Variants in RETREG1 observed in about 807,000 individuals in gnomAD.
The protein encoded by RETREG1 is family with sequence similarity 134 member B.
A neutral mutation model predicts 54.8 loss-of-function variants in RETREG1; 44 were observed. The ratio of observed to expected loss-of-function variants is 0.80; its 90% CI spans 0.63 to 1.03. The LOEUF (loss-of-function observed/expected upper bound fraction) is 1.03. Among genes scored for constraint, RETREG1 ranks in the 50% least tolerant of loss-of-function variants. The pLI, the probability that RETREG1 is intolerant of heterozygous loss-of-function variation, is 0.00. For synonymous variants in RETREG1, 217 were observed against 238.5 expected (o/e 0.91, Z 0.83); for missense variants, 554 against 605.1 (o/e 0.92, Z 0.89).
intron 3 of RETREG1, among the ~76,000 whole-genome samples, chr5:16,552,290 T>A (rs994429): frequency 0.34 from 51,484 of 152,026 alleles, 10,195 homozygotes; most frequent in Non-Finnish European, 0.44. Context: ...ACCCCCTCTT[T>A]CCACACAATC....
Position 16,611,397 on chromosome 5 carries a change from TA to T in RETREG1, c.320+5254del, listed in dbSNP as rs558919823. On this transcript the variant is annotated intron_variant, in intron 1 of 8. Transcript: ENST00000306320. ...GTGCACACGTACCCTAGAACTTGAA[TA>T]AAAAAAAAAATCACATCAGAGACGC... Among the ~76,000 whole-genome samples the T allele has an allele frequency of 1.8e-3, 267 of 146,668 alleles. 1 individual carries two copies. Among genetic ancestry groups the T allele is most frequent in the Non-Finnish European group, 1.6e-3 (108 of 66,170 alleles).
chr5:16,503,683 G>A (rs867644961), intron 3 of RETREG1, among the ~76,000 whole-genome samples: 42 of 140,816 alleles, frequency 3.0e-4, no homozygotes, highest in East Asian at 8.0e-4. Flanking sequence ...AAAAAAGAAA[G>A]AAAGAAAGAA....
At chr5:16,525,650 AGGGGATCAATTTAAGCAAAACTG>A (rs1408692593) in intron 3 of RETREG1, among the ~76,000 whole-genome samples, 3 of 152,154 alleles carry the variant, frequency 2.0e-5, no homozygotes, top group Admixed American at 6.5e-5. Context: ...AAGCAAAACT[AGGGGATCAATTTAAGCAAAACTG>A]GGGGATAGAG....
intron 3 of RETREG1, among the ~76,000 whole-genome samples, chr5:16,549,408 G>A (rs1217729955): frequency 6.6e-6 from 1 of 152,060 alleles, no homozygotes; most frequent in African/African-American, 2.4e-5. Flanking sequence ...AATCACCTAT[G>A]TATTTATTGA....
intron 1 of RETREG1, among the ~76,000 whole-genome samples, chr5:16,588,065 G>A (rs919134078): frequency 6.6e-6 from 1 of 152,178 alleles, no homozygotes; most frequent in Non-Finnish European, 1.5e-5. Flanking sequence ...AGGCCAGAGC[G>A]ATCACTTCCA....
At chr5:16,541,602 C>T (rs1741245167) in intron 3 of RETREG1, among the ~76,000 whole-genome samples, 2 of 151,896 alleles carry the variant, frequency 1.3e-5, no homozygotes, top group African/African-American at 4.8e-5. Flanking sequence ...CAGGAGAATC[C>T]CTTGAACCCA....
At chr5:16,601,711 A>G (rs936532256) in intron 1 of RETREG1, among the ~76,000 whole-genome samples, 2 of 152,188 alleles carry the variant, frequency 1.3e-5, no homozygotes, top group African/African-American at 4.8e-5. Context: ...ATTATTTTTA[A>G]AAGACTTTAA....
At chr5:16,482,568 G>C (rs146103347) in intron 4 of RETREG1, among the ~76,000 whole-genome samples, 1 of 151,856 alleles carries the variant, frequency 6.6e-6, no homozygotes, top group African/African-American at 2.4e-5. Context: ...TTGAAGTTAC[G>C]ATATTGCCTA....
chr5:16,583,116 T>G (rs1742535594), intron 1 of RETREG1, among the ~76,000 whole-genome samples: 1 of 152,172 alleles, frequency 6.6e-6, no homozygotes, highest in South Asian at 2.1e-4. Flanking sequence ...GTGGACAATT[T>G]ACACGATGAA....
At chr5:16,526,064 G>A (rs1740708125) in intron 3 of RETREG1, among the ~76,000 whole-genome samples, 1 of 151,300 alleles carries the variant, frequency 6.6e-6, no homozygotes, top group Non-Finnish European at 1.5e-5. Flanking sequence ...AAATACCTTT[G>A]CATCTACACT....
At chr5:16,495,181 T>C (rs537238113) in intron 3 of RETREG1, among the ~76,000 whole-genome samples, 1 of 152,298 alleles carries the variant, frequency 6.6e-6, no homozygotes, top group African/African-American at 2.4e-5. Context: ...TATGCTTATA[T>C]GTGTGAGCAA....
intron 2 of RETREG1, among the ~76,000 whole-genome samples, chr5:16,569,610 CCCTGTG>C (rs1328084032): frequency 1.3e-5 from 2 of 152,152 alleles, no homozygotes; most frequent in Non-Finnish European, 2.9e-5. Context: ...TCTTATAAAG[CCCTGTG>C]GTATGAGGAT....
At chr5:16,578,193 T>A (rs1431290400) in intron 1 of RETREG1, among the ~76,000 whole-genome samples, 1 of 152,180 alleles carries the variant, frequency 6.6e-6, no homozygotes, top group African/African-American at 2.4e-5. Context: ...ATAGAAAATA[T>A]AACATTTACA....
intron 1 of RETREG1, among the ~76,000 whole-genome samples, chr5:16,583,797 A>G (rs190405127): frequency 9.2e-5 from 14 of 152,252 alleles, no homozygotes; most frequent in Admixed American, 7.8e-4. Flanking sequence ...CAGCTAAAAC[A>G]TATTTTTTTT....
At chr5:16,484,233 T>G (rs1738930161) in intron 3 of RETREG1, among the ~76,000 whole-genome samples, 1 of 152,084 alleles carries the variant, frequency 6.6e-6, no homozygotes, top group Admixed American at 6.6e-5. Flanking sequence ...AGCTAAAAAC[T>G]AGAAACAATC....
At chr5:16,547,479 C>T (rs546205795) in intron 3 of RETREG1, among the ~76,000 whole-genome samples, 8 of 152,144 alleles carry the variant, frequency 5.3e-5, no homozygotes, top group Non-Finnish European at 1.0e-4. Context: ...GAACTGTTGG[C>T]GCTCTTAACT....
chr5:16,488,652 A>G (rs1296971355), intron 3 of RETREG1, among the ~76,000 whole-genome samples: 1 of 152,180 alleles, frequency 6.6e-6, no homozygotes, highest in Admixed American at 6.5e-5. Context: ...TTGGCCAAGA[A>G]TGACACCTAG....
intron 2 of RETREG1, among the ~76,000 whole-genome samples, chr5:16,567,588 G>A (rs1338783184): frequency 1.3e-5 from 2 of 152,178 alleles, no homozygotes; most frequent in African/African-American, 4.8e-5. Flanking sequence ...TGCTCCACAG[G>A]TGGCTGGGGG....
chr5:16,571,521 C>G (rs563981615), intron 2 of RETREG1, among the ~76,000 whole-genome samples: 1 of 151,140 alleles, frequency 6.6e-6, no homozygotes, highest in Non-Finnish European at 1.5e-5. Flanking sequence ...TTTTTTTAAA[C>G]CAAGCTCTTG....
Sources: allele counts gnomAD v4.1 joint callset (sites outside exome capture counted in the v4.1 genomes callset), GRCh38; gene constraint gnomAD v4.1.1; transcripts MANE v1.5; gene names NCBI Gene and HGNC (gene_info 2026-07-23, HGNC 2026-07-21).